Variants in ITGAE observed in about 807,000 individuals in gnomAD.
ITGAE encodes integrin subunit alpha E, also known as integrin alpha-E.
In ITGAE, 99 loss-of-function variants were observed where a neutral mutation model predicts 136.5. The ratio of observed to expected loss-of-function variants is 0.73; its 90% confidence interval spans 0.62 to 0.86. The LOEUF is 0.86. Among genes scored for constraint, ITGAE ranks in the 40% least tolerant of loss-of-function variants. The pLI is 0.00. For synonymous variants in ITGAE, 613 were observed against 591.8 expected (o/e 1.04, Z -0.52); for missense variants, 1,447 against 1,515.3 (o/e 0.95, Z 0.75).
chr17:3,743,639 C>G, intron 18 of ITGAE, 22 bp from the exon 19 acceptor site: 1 of 1,604,390 alleles, frequency 6.2e-7, no homozygotes. Context: ...CCACGGAAGG[C>G]AGGGTTAGAG....
At chr17:3,760,074 T>G in intron 7 of ITGAE, 98 bp downstream of exon 7, 1 of 743,926 alleles carries the variant, frequency 1.3e-6, no homozygotes, top group Non-Finnish European at 2.3e-6. Flanking sequence ...CCCAAGTATG[T>G]GACCCATAGA....
At chr17:3,753,229 C>A in intron 14 of ITGAE, 61 bp downstream of exon 14, 1 of 1,565,226 alleles carries the variant, frequency 6.4e-7, no homozygotes. Flanking sequence ...GCCTCCATCA[C>A]CTCTGTGTCA....
intron 1 of ITGAE, among the ~76,000 whole-genome samples, chr17:3,796,830 C>T (rs1281593838): frequency 1.3e-5 from 2 of 152,168 alleles, no homozygotes; most frequent in Non-Finnish European, 2.9e-5. Context: ...TACCACGATT[C>T]CCAATTTAGG....
chr17:3,799,340 G>A lies in ITGAE; in HGVS notation c.34+1771C>T, dbSNP rs1303262383. 6.6e-6 allele frequency among the ~76,000 whole-genome samples: 1 copy of A among 152,150 alleles called. No homozygotes were observed. The highest frequency in any genetic ancestry group is 2.4e-5 in the African/African-American group (1 of 41,428). On this transcript the variant is annotated intron_variant, in intron 1 of 30. Transcript: ENST00000263087. The surrounding 1 kb of genome is among the most constrained non-coding windows in gnomAD (Gnocchi z 4.1). ...CTTCCCGTGGCTGAGCTGAGCTGTG[G>A]GCTAAGTGGTCTCATGGCAAGTCTG... is the stretch of plus-strand genomic sequence containing the variant.
chr17:3,743,690 T>G, intron 18 of ITGAE, 73 bp from the exon 19 acceptor site: 1 of 1,418,430 alleles, frequency 7.1e-7, no homozygotes, highest in Non-Finnish European at 9.4e-7. Context: ...ATGCTTTTTT[T>G]CTTTTTCTTT....
rs370710778 is a variant in ITGAE, at chr17:3,723,263, T to C, written c.3237+25A>G. 1,406 of 1,476,856 alleles carry C rather than the reference T, an allele frequency of 9.5e-4. 3 individuals carry two copies. The highest frequency in any genetic ancestry group is 1.2e-3 in the Non-Finnish European group (1,282 of 1,054,942). 91.5% of individuals were successfully genotyped at this position (1,476,856 alleles called of 1,614,324 possible). On this transcript the variant is annotated intron_variant, in intron 28 of 30. Transcript: ENST00000263087. ...GCCCGTGAGCAACTGGATAATCAAATCTGGAGCATTTCAGTCTCAAACACC... is the reference window on the plus strand; with the variant it reads ...GCCCGTGAGCAACTGGATAATCAAACCTGGAGCATTTCAGTCTCAAACACC...
chr17:3,790,449 G>C (rs966256855), intron 1 of ITGAE, among the ~76,000 whole-genome samples: 3 of 151,948 alleles, frequency 2.0e-5, no homozygotes, highest in Non-Finnish European at 4.4e-5. Flanking sequence ...GGAGGTTGCA[G>C]TGAGCCGAGA....
At position 3,792,364 on chromosome 17, in the gene ITGAE, G is replaced by A. The variant is rs150396304; in HGVS notation, c.34+8747C>T. ...ATTGAACTCCTCAGGTGATCCGCCC[G>A]CCTTGGCCTCCCAAAGTGCTGGGAT... On this transcript the variant is annotated intron_variant, in intron 1 of 30. Coordinates refer to ENST00000263087, the MANE Select transcript of ITGAE (RefSeq NM_002208.5). Among the ~76,000 whole-genome samples the A allele has an allele frequency of 7.0e-4, 106 of 152,252 alleles. No homozygotes were observed. The East Asian group carries it at 0.015, about 22-fold the overall frequency.
intron 1 of ITGAE, among the ~76,000 whole-genome samples, chr17:3,787,625 C>T (rs535034956): frequency 1.8e-4 from 28 of 152,038 alleles, no homozygotes; most frequent in Middle Eastern, 6.8e-3. Flanking sequence ...TATGTCTAAC[C>T]GTGGAACTTC....
chr17:3,772,003 G>C (rs938792947), intron 2 of ITGAE, among the ~76,000 whole-genome samples: 1 of 152,028 alleles, frequency 6.6e-6, no homozygotes. Flanking sequence ...CCTGGGTGAC[G>C]AGGCACCACC....
rs972725522 is a variant in ITGAE, at chr17:3,719,145, A to G, written c.3333+1162T>C. Among the ~76,000 whole-genome samples, 6 of 151,506 alleles carry G rather than the reference A, an allele frequency of 4.0e-5. No individual in the cohort carries two copies. In the East Asian group the frequency reaches 1.2e-3, roughly 29 times the overall value. On this transcript the variant is annotated intron_variant, in intron 29 of 30. Transcript: ENST00000263087. ...CAGCTACTCGGGAGGCTGAGGAAGA[A>G]GAATCACTTGAACTGGGGAGGTGGA...
intron 1 of ITGAE, among the ~76,000 whole-genome samples, chr17:3,796,979 C>T (rs1441873668): frequency 1.3e-5 from 2 of 151,796 alleles, no homozygotes; most frequent in African/African-American, 4.8e-5. Context: ...GAGCCATCTG[C>T]AGCCAGCCGC....
chr17:3,727,888 G>A (rs761870028), intron 26 of ITGAE, 31 bp downstream of exon 26: 1 of 1,286,446 alleles, frequency 7.8e-7, no homozygotes, highest in East Asian at 2.3e-5. Flanking sequence ...GTGGAAAGAG[G>A]TGTGACTGAT....
At chr17:3,790,792 G>C (rs2052919014) in intron 1 of ITGAE, among the ~76,000 whole-genome samples, 1 of 152,180 alleles carries the variant, frequency 6.6e-6, no homozygotes, top group East Asian at 1.9e-4. Flanking sequence ...TCCAGACGGA[G>C]AGCCACAGCA....
intron 2 of ITGAE, among the ~76,000 whole-genome samples, chr17:3,765,625 G>T (rs1567544122): frequency 6.6e-6 from 1 of 152,048 alleles, no homozygotes; most frequent in Non-Finnish European, 1.5e-5. Flanking sequence ...AGGTCACCAG[G>T]GGCCCCCACA....
At chr17:3,743,948 C>G (rs530194446) in intron 18 of ITGAE, among the ~76,000 whole-genome samples, 63 of 151,624 alleles carry the variant, frequency 4.2e-4, no homozygotes, top group African/African-American at 1.4e-3. Context: ...AGTGATCCAC[C>G]CGCCTCAGCC....
chr17:3,796,588 C>T (rs1295982823), intron 1 of ITGAE, among the ~76,000 whole-genome samples: 1 of 152,040 alleles, frequency 6.6e-6, no homozygotes, highest in Non-Finnish European at 1.5e-5. Flanking sequence ...GAGGGCTGGC[C>T]CTCCCTCCCA....
Position 3,747,927 on chromosome 17 carries a change from T to A in ITGAE, c.2150A>T (p.Glu717Val). Residue 717 changes from glutamate to valine, a missense_variant, in exon 17 of 31, where the codon GAG becomes GTG. Coordinates refer to ENST00000263087, the MANE Select transcript of ITGAE (RefSeq NM_002208.5). Reference sequence around the variant, plus strand: ...CAGCTGGACCATTTTTTTACCTGACTCAGAGGCTGTGGTTACAGAGCTGAT... The same window carrying A: ...CAGCTGGACCATTTTTTTACCTGACACAGAGGCTGTGGTTACAGAGCTGAT... ...FEISSVTTAS[E>V]SGLREALLNF... The A allele has an allele frequency of 6.4e-7, 1 of 1,573,976 alleles. No individual in the cohort carries two copies. The highest frequency in any genetic ancestry group is 8.7e-7 in the Non-Finnish European group (1 of 1,155,180).
At chr17:3,747,254 G>A (rs1481523996) in intron 17 of ITGAE, among the ~76,000 whole-genome samples, 2 of 152,218 alleles carry the variant, frequency 1.3e-5, no homozygotes, top group South Asian at 2.1e-4. Context: ...AGAGGAGGGT[G>A]TGTCTCAGAA....
Sources: allele counts gnomAD v4.1 joint callset (sites outside exome capture counted in the v4.1 genomes callset), GRCh38; gene constraint gnomAD v4.1.1; non-coding constraint Gnocchi (gnomAD v3.1); transcripts MANE v1.5; gene names NCBI Gene and HGNC (gene_info 2026-07-23, HGNC 2026-07-21).